The following SPATA6 variants were observed in gnomAD, a reference collection of about 807,000 sequenced individuals.
SPATA6 encodes spermatogenesis associated 6.
A neutral mutation model predicts 65.3 loss-of-function variants in SPATA6; 56 were observed. That is an observed-to-expected ratio of 0.86 (90% confidence interval 0.69 to 1.07). The LOEUF (loss-of-function observed/expected upper bound fraction) is 1.07, where lower values mean the gene tolerates loss of function less well. Ranked by LOEUF, SPATA6 falls within the 50% of genes least tolerant of loss-of-function variation. SPATA6 has a pLI of 0.00. For missense variants in SPATA6, 590 were observed against 594.8 expected, an observed-to-expected ratio of 0.99 and a Z score of 0.08; for synonymous variants, 199 against 213.2, an observed-to-expected ratio of 0.93 and a Z score of 0.58.
At chr1:48,319,190 T>C (rs999939918) in intron 11 of SPATA6, among the ~76,000 whole-genome samples, 29 of 152,192 alleles carry the variant, frequency 1.9e-4, no homozygotes, top group Non-Finnish European at 4.3e-4. Flanking sequence ...TAAATTTTTA[T>C]GTCCCTAGAC....
chr1:48,343,808 G>T (rs1272331418), intron 11 of SPATA6, among the ~76,000 whole-genome samples: 1 of 152,018 alleles, frequency 6.6e-6, no homozygotes, highest in African/African-American at 2.4e-5. Flanking sequence ...GTCAGAAGAG[G>T]AATAAATAAA....
intron 7 of SPATA6, among the ~76,000 whole-genome samples, chr1:48,396,024 C>A (rs1277773475): frequency 6.6e-6 from 1 of 151,468 alleles, no homozygotes. Flanking sequence ...ATAACAAAAA[C>A]AAATAGATTT....
intron 3 of SPATA6, among the ~76,000 whole-genome samples, chr1:48,415,410 T>C (rs1652668013): frequency 6.6e-6 from 1 of 152,172 alleles, no homozygotes; most frequent in Non-Finnish European, 1.5e-5. Context: ...TGTCAGGGGT[T>C]TTTTGGTGTT....
chr1:48,387,808 C>T (rs1471166835), intron 8 of SPATA6, among the ~76,000 whole-genome samples: 1 of 152,200 alleles, frequency 6.6e-6, no homozygotes, highest in Non-Finnish European at 1.5e-5. Flanking sequence ...TGGCATTTAC[C>T]TGTATACAAC....
chr1:48,440,303 G>A (rs1282520108), intron 3 of SPATA6, among the ~76,000 whole-genome samples: 2 of 152,170 alleles, frequency 1.3e-5, no homozygotes, highest in Non-Finnish European at 2.9e-5. Flanking sequence ...ATCCTGATAG[G>A]TATACAGATG....
chr1:48,284,466 C>T, the SPATA6 span, among the ~76,000 whole-genome samples: 1 of 152,154 alleles, frequency 6.6e-6, no homozygotes, highest in Non-Finnish European at 1.5e-5. Context: ...CAGTTTTGTT[C>T]CCTTGCTGGG....
the SPATA6 span, among the ~76,000 whole-genome samples, chr1:48,286,224 G>A: frequency 6.6e-6 from 1 of 151,820 alleles, no homozygotes; most frequent in South Asian, 2.1e-4. Flanking sequence ...ATGCCATTGG[G>A]ATTTTGATAA....
At position 48,318,944 on chromosome 1, in the gene SPATA6, A is replaced by C. The variant is rs1645519019; in HGVS notation, c.1195-13066T>G. Among the ~76,000 whole-genome samples the C allele has an allele frequency of 5.9e-5, 9 of 152,212 alleles. No homozygotes were observed. The South Asian group carries it at 8.3e-4, about 14-fold the overall frequency. ...TATATAGATCAATGAAACAGAATTA[A>C]GAATCCAGAAATAAACCCATACATT... On this transcript the variant is annotated intron_variant, in intron 11 of 12. Coordinates refer to ENST00000371847, the MANE Select transcript of SPATA6 (RefSeq NM_019073.4).
At chr1:48,421,439 A>G (rs1416046) in intron 3 of SPATA6, among the ~76,000 whole-genome samples, 21,696 of 152,136 alleles carry the variant, frequency 0.14, 1,760 homozygotes, top group African/African-American at 0.21. Flanking sequence ...TCTATCTTAT[A>G]TGTTCAAGGA....
Position 48,308,625 on chromosome 1 carries a change from G to A in SPATA6, c.1195-2747C>T, listed in dbSNP as rs377223091. ...TGAAGAGCTCCTTTTAGTATTTCTTGTAGTGCAGATCTGCTAGTGATAAAC... is the reference window on the plus strand; with the variant it reads ...TGAAGAGCTCCTTTTAGTATTTCTTATAGTGCAGATCTGCTAGTGATAAAC... On this transcript the variant is annotated intron_variant, in intron 11 of 12. Coordinates refer to ENST00000371847, the MANE Select transcript of SPATA6 (RefSeq NM_019073.4). 3.2e-4 allele frequency among the ~76,000 whole-genome samples: 48 copies of A among 152,198 alleles called. 1 individual carries two copies. The South Asian group carries it at 4.8e-3, about 15-fold the overall frequency.
the SPATA6 span, among the ~76,000 whole-genome samples, chr1:48,277,515 C>T: frequency 6.6e-6 from 1 of 152,234 alleles, no homozygotes; most frequent in Non-Finnish European, 1.5e-5. Context: ...AAACGGTGCA[C>T]CAGGAGATTA....
the SPATA6 span, among the ~76,000 whole-genome samples, chr1:48,284,102 A>G: frequency 6.7e-6 from 1 of 149,562 alleles, no homozygotes; most frequent in African/African-American, 2.5e-5. Context: ...ATGTAATCCC[A>G]TATTTCTTGG....
chr1:48,348,615 T>G (rs1347907492), intron 11 of SPATA6, among the ~76,000 whole-genome samples: 2 of 151,926 alleles, frequency 1.3e-5, no homozygotes, highest in African/African-American at 4.8e-5. Flanking sequence ...ACTAGCAACT[T>G]TCATTGGAAA....
chr1:48,333,316 G>C (rs1476822756), intron 11 of SPATA6, among the ~76,000 whole-genome samples: 1 of 152,136 alleles, frequency 6.6e-6, no homozygotes, highest in Non-Finnish European at 1.5e-5. Context: ...TGGACTCTTG[G>C]ATATACACCA....
At chr1:48,309,272 T>C (rs548734573) in intron 11 of SPATA6, among the ~76,000 whole-genome samples, 1 of 152,278 alleles carries the variant, frequency 6.6e-6, no homozygotes, top group East Asian at 1.9e-4. Context: ...CCACAAATCC[T>C]TATGTGTTCA....
At chr1:48,392,380 C>T (rs1650160496) in intron 8 of SPATA6, among the ~76,000 whole-genome samples, 1 of 152,064 alleles carries the variant, frequency 6.6e-6, no homozygotes, top group African/African-American at 2.4e-5. Context: ...ATGCAAATAA[C>T]TAGATAAAGC....
At chr1:48,314,013 C>G (rs1324451080) in intron 11 of SPATA6, among the ~76,000 whole-genome samples, 1 of 152,138 alleles carries the variant, frequency 6.6e-6, no homozygotes, top group Non-Finnish European at 1.5e-5. Context: ...CATATGCACC[C>G]AATACAGGAG....
At chr1:48,263,589 T>C in the SPATA6 span, among the ~76,000 whole-genome samples, 7 of 152,314 alleles carry the variant, frequency 4.6e-5, no homozygotes, top group Middle Eastern at 3.4e-3. Flanking sequence ...TCTCCTTTCC[T>C]ACCTATTGCA....
At chr1:48,437,165 C>T (rs752985544) in intron 3 of SPATA6, 128 of 1,609,412 alleles carry the variant, frequency 8.0e-5, no homozygotes, top group Non-Finnish European at 1.0e-4. Flanking sequence ...CCAGTGTTAC[C>T]TTGGACTGAG....
Sources: allele counts gnomAD v4.1 joint callset (sites outside exome capture counted in the v4.1 genomes callset), GRCh38; gene constraint gnomAD v4.1.1; transcripts MANE v1.5; gene names NCBI Gene and HGNC (gene_info 2026-07-23, HGNC 2026-07-21).